Variants in CCDC146 observed in about 807,000 individuals in gnomAD.
The protein encoded by CCDC146 is coiled-coil domain-containing protein 146.
CCDC146 carries 92 observed loss-of-function variants against 119.3 expected under a neutral mutation model. That is an observed-to-expected ratio of 0.77 (90% CI 0.65 to 0.92). The LOEUF (loss-of-function observed/expected upper bound fraction) is 0.92, where lower values mean the gene tolerates loss of function less well. CCDC146 is among the 40% of genes least tolerant of loss of function. The pLI is 0.00. For missense variants in CCDC146, 1,000 were observed against 1,103.0 expected, an observed-to-expected ratio of 0.91 and a Z score of 1.32; for synonymous variants, 372 against 371.8, an observed-to-expected ratio of 1.00 and a Z score of -0.01.
In CCDC146 at chr7:77,276,875, A is replaced by C. The variant is rs191705766; in HGVS notation, c.1441-1877A>C. Among the ~76,000 whole-genome samples, 371 of 152,348 alleles carry C rather than the reference A, an allele frequency of 2.4e-3. 1 individual carries two copies. The highest frequency in any genetic ancestry group is 3.9e-3 in the Admixed American group (60 of 15,310). On this transcript the variant is annotated intron_variant, in intron 11 of 18. Coordinates refer to ENST00000285871, the MANE Select transcript of CCDC146 (RefSeq NM_020879.3). ...CACCTGAGGTCAGGAGTTCAAGACC[A>C]GCCTGCCCAACATGGTGAAAGCCCA...
At chr7:77,141,882 A>G (rs58706273) in intron 1 of CCDC146, among the ~76,000 whole-genome samples, 1,663 of 152,044 alleles carry the variant, frequency 0.011, 23 homozygotes, top group African/African-American at 0.038. Context: ...CACTGTGATG[A>G]TAGTTTCTTT....
intron 8 of CCDC146, among the ~76,000 whole-genome samples, chr7:77,261,639 G>T (rs182400575): frequency 0.038 from 5,799 of 151,522 alleles, 381 homozygotes; most frequent in African/African-American, 0.13. Context: ...CACCGCGCCC[G>T]GCTAATTTTT....
At chr7:77,287,145 A>G (rs6949841) in intron 16 of CCDC146, 1 of 621,886 alleles carries the variant, frequency 1.6e-6, no homozygotes, top group African/African-American at 1.9e-5. Context: ...CCAAAGGCAC[A>G]TTTCTCTCAT....
rs1313810841 is a variant in CCDC146, at chr7:77,122,666, G to C, written c.-78G>C. 1 of 179,280 alleles carries C rather than the reference G, an allele frequency of 5.6e-6. No homozygotes were observed. Among genetic ancestry groups the C allele is most frequent in the Admixed American group, 5.5e-5 (1 of 18,114 alleles). 11.1% of individuals were successfully genotyped at this position (179,280 alleles called of 1,614,324 possible). ...TGGAGAGGGTGGAGCTTTGGAGTGA[G>C]ACCCAGGAGGCCAAATCCCAAAGAG... On this transcript the variant is annotated 5_prime_UTR_variant, in exon 1 of 19. Transcript: ENST00000285871.
Position 77,196,251 on chromosome 7 carries a change from G to A in CCDC146, c.156+28427G>A, listed in dbSNP as rs756251312. On this transcript the variant is annotated intron_variant, in intron 2 of 18. Transcript: ENST00000285871. This position sits in a 1 kb window ranked among gnomAD's most constrained non-coding sequence, Gnocchi z 4.2. Reference sequence around the variant, plus strand: ...GGAATTAATTGCCCTATTAGATAACGAATACCTGGAGGAATGAACAGAGTG... The same window carrying A: ...GGAATTAATTGCCCTATTAGATAACAAATACCTGGAGGAATGAACAGAGTG... The A allele has an allele frequency of 9.1e-6, 14 of 1,531,378 alleles. No homozygotes were observed. The highest frequency in any genetic ancestry group is 3.5e-5 in the South Asian group (3 of 85,924). 94.9% of individuals were successfully genotyped at this position (1,531,378 alleles called of 1,614,324 possible).
Position 77,196,049 on chromosome 7 carries a change from A to G in CCDC146, c.156+28225A>G. The stretch of plus-strand genomic sequence containing the variant: ...ATTGTAAATCTAATGTATAATTCTC[A>G]ATATTGCTAATTGCTTGCAAGTGTT... On this transcript the variant is annotated intron_variant, in intron 2 of 18. Coordinates refer to ENST00000285871, the MANE Select transcript of CCDC146 (RefSeq NM_020879.3). This position sits in a 1 kb window ranked among gnomAD's most constrained non-coding sequence, Gnocchi z 4.2. 2.1e-6 allele frequency: 1 copy of G among 479,310 alleles called. No individual in the cohort carries two copies. The allele number at this position is 479,310 out of a possible 1,614,324, so 29.7% of individuals were successfully genotyped here.
chr7:77,165,343 T>G (rs1303126211), intron 1 of CCDC146, among the ~76,000 whole-genome samples: 1 of 152,014 alleles, frequency 6.6e-6, no homozygotes, highest in African/African-American at 2.4e-5. Context: ...TAAAATTTTA[T>G]TTTTGAGCTT....
At position 77,258,911 on chromosome 7, in the gene CCDC146, T is replaced by C. The variant is rs1793234193; in HGVS notation, c.685-84T>C. The C allele has an allele frequency of 9.0e-6, 8 of 884,054 alleles. No homozygotes were observed. The South Asian group carries it at 1.2e-4, about 13-fold the overall frequency. The allele number at this position is 884,054 out of a possible 1,614,324, so 54.8% of individuals were successfully genotyped here. The stretch of plus-strand genomic sequence containing the variant: ...GTAAGTATCTACATATTGTAGTTCC[T>C]TTCTCTCTCATATTTAATTTTCTTG... On this transcript the variant is annotated intron_variant, in intron 6 of 18. Transcript: ENST00000285871.
At chr7:77,229,411 G>A (rs1435058001) in intron 2 of CCDC146, among the ~76,000 whole-genome samples, 4 of 152,116 alleles carry the variant, frequency 2.6e-5, no homozygotes, top group South Asian at 2.1e-4. Context: ...GTCCTGAATG[G>A]TATTGCCTAG....
intron 17 of CCDC146, 128 bp downstream of exon 17, chr7:77,287,705 A>G: frequency 1.1e-6 from 1 of 947,908 alleles, no homozygotes; most frequent in Non-Finnish European, 1.5e-6. Context: ...GGAACTTAGA[A>G]AAACGAAAGG....
At chr7:77,131,490 G>A (rs1292166133) in intron 1 of CCDC146, among the ~76,000 whole-genome samples, 1 of 152,000 alleles carries the variant, frequency 6.6e-6, no homozygotes, top group East Asian at 1.9e-4. Flanking sequence ...GGCCGAGGTG[G>A]GCTGATTACT....
At chr7:77,171,284 A>C (rs1056877402) in intron 2 of CCDC146, among the ~76,000 whole-genome samples, 1 of 152,162 alleles carries the variant, frequency 6.6e-6, no homozygotes, top group African/African-American at 2.4e-5. Context: ...GATATAGCCC[A>C]CTTGTTTCTC....
intron 4 of CCDC146, among the ~76,000 whole-genome samples, chr7:77,252,606 A>G (rs1793096761): frequency 1.3e-5 from 2 of 152,240 alleles, no homozygotes; most frequent in South Asian, 4.1e-4. Context: ...GAAATTAAAC[A>G]TAAAAATTTG....
chr7:77,199,039 T>C (rs976500336), intron 2 of CCDC146: 4 of 713,154 alleles, frequency 5.6e-6, no homozygotes, highest in African/African-American at 3.6e-5. Flanking sequence ...TGAGAAGATA[T>C]TTATTTTTTC....
At chr7:77,199,802 T>G in intron 2 of CCDC146, 1 of 1,611,812 alleles carries the variant, frequency 6.2e-7, no homozygotes, top group Non-Finnish European at 8.5e-7. Flanking sequence ...ATCTTTACAG[T>G]GCTGCTCACC....
intron 1 of CCDC146, among the ~76,000 whole-genome samples, chr7:77,146,553 G>T (rs1791023014): frequency 6.6e-6 from 1 of 152,170 alleles, no homozygotes; most frequent in South Asian, 2.1e-4. Flanking sequence ...CATACCAGTT[G>T]TTCCTTTCCA....
At chr7:77,176,416 G>A (rs1199516848) in intron 2 of CCDC146, among the ~76,000 whole-genome samples, 1 of 151,078 alleles carries the variant, frequency 6.6e-6, no homozygotes, top group East Asian at 2.0e-4. Flanking sequence ...CTTAGTGTCT[G>A]AGTGGATGGA....
intron 11 of CCDC146, among the ~76,000 whole-genome samples, chr7:77,276,808 C>T (rs541365317): frequency 6.1e-4 from 93 of 152,244 alleles, no homozygotes; most frequent in African/African-American, 2.1e-3. Context: ...CGGTCTCTCA[C>T]GCCTGTAATC....
At chr7:77,252,361 A>T (rs879277718) in intron 4 of CCDC146, among the ~76,000 whole-genome samples, 15 of 152,216 alleles carry the variant, frequency 9.9e-5, no homozygotes, top group Non-Finnish European at 2.1e-4. Flanking sequence ...AAACTCAAAG[A>T]AATATGTTCC....
Sources: gnomAD v4.1 joint callset for allele counts (sites outside exome capture counted in the v4.1 genomes callset) on GRCh38, gnomAD v4.1.1 for gene constraint, Gnocchi (gnomAD v3.1) non-coding constraint, MANE v1.5 for transcripts, NCBI Gene and HGNC (gene_info 2026-07-23, HGNC 2026-07-21) for gene names.